Variants in PTPRB observed in about 807,000 individuals in gnomAD.
PTPRB encodes the protein protein tyrosine phosphatase receptor type B, also known as receptor-type tyrosine-protein phosphatase beta.
A neutral mutation model predicts 238.1 loss-of-function variants in PTPRB; 97 were observed. That is an observed-to-expected ratio of 0.41 (90% confidence interval 0.35 to 0.48). The LOEUF is 0.48. PTPRB is among the 20% of genes least tolerant of loss of function. The pLI, the probability that PTPRB is intolerant of heterozygous loss-of-function variation, is 0.30. For synonymous variants in PTPRB, 970 were observed against 995.4 expected, an observed-to-expected ratio of 0.97 and a Z score of 0.48; for missense variants, 2,292 against 2,681.9, an observed-to-expected ratio of 0.85 and a Z score of 3.21.
intron 9 of PTPRB, among the ~76,000 whole-genome samples, chr12:70,586,116 A>G (rs1281975667): frequency 6.6e-6 from 1 of 152,152 alleles, no homozygotes; most frequent in South Asian, 2.1e-4. Context: ...ATACGTGTGC[A>G]TGTGTCTTTA....
chr12:70,540,654 G>C, intron 23 of PTPRB: 1 of 548,826 alleles, frequency 1.8e-6, no homozygotes, highest in Non-Finnish European at 3.2e-6. Flanking sequence ...CTTTGGTAAG[G>C]GCTGAATTCA....
At chr12:70,593,632 T>C (rs1882717765) in intron 6 of PTPRB, among the ~76,000 whole-genome samples, 1 of 151,936 alleles carries the variant, frequency 6.6e-6, no homozygotes, top group Non-Finnish European at 1.5e-5. Flanking sequence ...ATATAGAACA[T>C]TTTTGGCCAG....
At chr12:70,608,915 C>T in intron 4 of PTPRB, 154 bp downstream of exon 4, 1 of 1,120,080 alleles carries the variant, frequency 8.9e-7, no homozygotes, top group African/African-American at 1.6e-5. Flanking sequence ...CTGGCTAGAT[C>T]CGAGGAAACC....
intron 9 of PTPRB, among the ~76,000 whole-genome samples, chr12:70,584,805 G>T (rs1439057621): frequency 6.6e-6 from 1 of 151,940 alleles, no homozygotes; most frequent in Non-Finnish European, 1.5e-5. Context: ...AAACATCTCA[G>T]ATGCAGGGGG....
chr12:70,619,158 G>C (rs1884807663), intron 3 of PTPRB, among the ~76,000 whole-genome samples: 1 of 20,710 alleles, frequency 4.8e-5, no homozygotes, highest in Non-Finnish European at 7.9e-5. Flanking sequence ...GTTTAGGGGA[G>C]TGTGTGTGTG....
chr12:70,604,392 A>C (rs1025307353), intron 4 of PTPRB, among the ~76,000 whole-genome samples: 2 of 152,226 alleles, frequency 1.3e-5, no homozygotes, highest in Non-Finnish European at 2.9e-5. Flanking sequence ...TAATGCCAAC[A>C]AATAATAGAA....
intron 4 of PTPRB, among the ~76,000 whole-genome samples, chr12:70,605,346 T>C (rs11178327): frequency 0.22 from 32,837 of 152,096 alleles, 3,663 homozygotes; most frequent in South Asian, 0.29. Context: ...TGTATCTATA[T>C]ATTGGTCTAT....
intron 8 of PTPRB, 35 bp downstream of exon 8, chr12:70,589,929 C>T (rs755679707): frequency 6.3e-6 from 10 of 1,591,958 alleles, no homozygotes; most frequent in Non-Finnish European, 8.6e-6. Flanking sequence ...ACAAATTACT[C>T]TTCCATTGGT....
chr12:70,637,015 C>A (rs547455395), intron 1 of PTPRB, among the ~76,000 whole-genome samples: 2 of 152,030 alleles, frequency 1.3e-5, no homozygotes, highest in African/African-American at 4.8e-5. Context: ...ATAACCGGGT[C>A]GGAAAAAGGC....
chr12:70,534,466 TGGCTGCTA>T lies in PTPRB; in HGVS notation c.6368+14_6368+21del. On this transcript the variant is annotated intron_variant, in intron 31 of 33. Transcript: ENST00000334414. The stretch of plus-strand genomic sequence containing the variant: ...AACCCCCTTATGGCTGCCATTTTAT[TGGCTGCTA>T]GGTTTCCTAGTACCTGCAGTGCACC... The T allele has an allele frequency of 6.2e-7, 1 of 1,607,784 alleles. No individual in the cohort carries two copies.
chr12:70,631,115 A>T (rs59679743), intron 2 of PTPRB, among the ~76,000 whole-genome samples: 2,397 of 152,212 alleles, frequency 0.016, 72 homozygotes, highest in African/African-American at 0.054. Context: ...GAGCCCACAT[A>T]GCCAAGACAA....
At chr12:70,565,753 C>T (rs929174412) in intron 15 of PTPRB, among the ~76,000 whole-genome samples, 4 of 152,080 alleles carry the variant, frequency 2.6e-5, no homozygotes, top group Admixed American at 6.5e-5. Context: ...GAATAATGGC[C>T]CCAAAGATGT....
intron 4 of PTPRB, among the ~76,000 whole-genome samples, chr12:70,596,960 C>T (rs1334367313): frequency 6.6e-6 from 1 of 151,476 alleles, no homozygotes; most frequent in Admixed American, 6.6e-5. Flanking sequence ...TCTTGTCACA[C>T]AGGCTGGAGT....
At chr12:70,573,507 T>TTTC (rs1555229460) in intron 11 of PTPRB, among the ~76,000 whole-genome samples, 2 of 98,714 alleles carry the variant, frequency 2.0e-5, no homozygotes, top group East Asian at 4.1e-4. Context: ...TTTCTTTTCT[T>TTTC]TTTTTTTTTT....
chr12:70,611,547 G>T (rs566012261), intron 3 of PTPRB, among the ~76,000 whole-genome samples: 1 of 152,166 alleles, frequency 6.6e-6, no homozygotes, highest in South Asian at 2.1e-4. Context: ...TGATCGACCC[G>T]CCTTGGCCTC....
intron 31 of PTPRB, 101 bp downstream of exon 31, chr12:70,534,387 T>A: frequency 7.3e-7 from 1 of 1,373,054 alleles, no homozygotes; most frequent in Non-Finnish European, 9.9e-7. Context: ...TCCAGACAAA[T>A]CCTCCACCCA....
In PTPRB at chr12:70,576,662, T is replaced by TGGGG. The variant is rs753042261; in HGVS notation, c.2579-21_2579-18dup. ...TGGAAGGGACTGTGATTTTGAAAGG[T>TGGGG]GGGGGGCGGGGGGGGGGGGGAAGGG... On this transcript the variant is annotated splice_polypyrimidine_tract_variant and intron_variant, in intron 10 of 33. Transcript: ENST00000334414. 33 of 15,270 alleles carry TGGGG rather than the reference T, an allele frequency of 2.2e-3. 2 individuals are homozygous for TGGGG. The highest frequency in any genetic ancestry group is 0.033 in the Middle Eastern group (1 of 30). 0.9% of individuals were successfully genotyped at this position (15,270 alleles called of 1,614,324 possible).
At chr12:70,564,164 T>C (rs1878903500) in intron 15 of PTPRB, among the ~76,000 whole-genome samples, 1 of 152,148 alleles carries the variant, frequency 6.6e-6, no homozygotes, top group Non-Finnish European at 1.5e-5. Context: ...TCTTTCAGAT[T>C]TTTACTCAAA....
intron 2 of PTPRB, among the ~76,000 whole-genome samples, chr12:70,627,696 T>C (rs529232956): frequency 2.0e-4 from 31 of 152,106 alleles, no homozygotes; most frequent in Non-Finnish European, 3.2e-4. Flanking sequence ...ATCATATAAA[T>C]CATATATCAA....
Sources: allele counts gnomAD v4.1 joint callset (sites outside exome capture counted in the v4.1 genomes callset), GRCh38; gene constraint gnomAD v4.1.1; transcripts MANE v1.5; gene names NCBI Gene and HGNC (gene_info 2026-07-23, HGNC 2026-07-21).